The following NCKAP1 variants were observed in gnomAD, a reference collection of about 807,000 sequenced individuals.
The protein encoded by NCKAP1 is nck-associated protein 1.
Under a neutral mutation model 151.2 loss-of-function variants are expected in NCKAP1, and 21 were observed. That is an observed-to-expected ratio of 0.14 (90% CI 0.10 to 0.20). The LOEUF (loss-of-function observed/expected upper bound fraction) is 0.20, where lower values mean the gene tolerates loss of function less well. NCKAP1 is among the 10% of genes least tolerant of loss of function. The pLI, the probability that NCKAP1 is intolerant of heterozygous loss-of-function variation, is 1.00. For missense variants in NCKAP1, 933 were observed against 1,352.1 expected, an observed-to-expected ratio of 0.69 and a Z score of 4.86; for synonymous variants, 484 against 451.8, an observed-to-expected ratio of 1.07 and a Z score of -0.90.
intron 30 of NCKAP1, among the ~76,000 whole-genome samples, chr2:182,926,354 A>C (rs961702552): frequency 6.6e-6 from 1 of 152,082 alleles, no homozygotes; most frequent in Non-Finnish European, 1.5e-5. Context: ...TCTGCAGGTA[A>C]GGAAAATAAC....
At chr2:182,956,218 T>G (rs540691010) in intron 20 of NCKAP1, among the ~76,000 whole-genome samples, 2 of 152,214 alleles carry the variant, frequency 1.3e-5, no homozygotes, top group South Asian at 4.2e-4. Flanking sequence ...TTTTTTGTAT[T>G]TTTAGTAGAG....
At chr2:183,026,333 G>C (rs1698896502) in intron 1 of NCKAP1, among the ~76,000 whole-genome samples, 1 of 151,988 alleles carries the variant, frequency 6.6e-6, no homozygotes, top group Admixed American at 6.6e-5. Context: ...AAAATTATAA[G>C]GGTGTGGTGG....
At chr2:183,019,888 A>C (rs1698763130) in intron 2 of NCKAP1, among the ~76,000 whole-genome samples, 1 of 152,170 alleles carries the variant, frequency 6.6e-6, no homozygotes, top group Non-Finnish European at 1.5e-5. Context: ...AACTGGTCAC[A>C]AACAAGAAAG....
At chr2:183,028,910 A>C (rs1698951129) in intron 1 of NCKAP1, among the ~76,000 whole-genome samples, 1 of 151,544 alleles carries the variant, frequency 6.6e-6, no homozygotes, top group Non-Finnish European at 1.5e-5. Flanking sequence ...TCAGGAGTTC[A>C]AGACCAGCCT....
intron 18 of NCKAP1, among the ~76,000 whole-genome samples, chr2:182,960,392 C>T (rs1697421389): frequency 1.3e-5 from 2 of 152,230 alleles, no homozygotes; most frequent in African/African-American, 2.4e-5. Context: ...AGATATAGAC[C>T]AATGGAACAG....
chr2:182,930,581 T>TA (rs1696742765), intron 27 of NCKAP1, 114 bp downstream of exon 27: 1 of 778,808 alleles, frequency 1.3e-6, no homozygotes, highest in Non-Finnish European at 2.1e-6. Context: ...ATAACAAATT[T>TA]AAAAAGCTGA....
chr2:183,023,172 A>C (rs1355808186), intron 2 of NCKAP1, among the ~76,000 whole-genome samples: 4 of 152,162 alleles, frequency 2.6e-5, no homozygotes, highest in Non-Finnish European at 5.9e-5. Flanking sequence ...TGAGGCAAAA[A>C]ATAACTCTAA....
intron 15 of NCKAP1, among the ~76,000 whole-genome samples, chr2:182,973,171 T>G (rs1697734268): frequency 6.6e-6 from 1 of 152,188 alleles, no homozygotes; most frequent in South Asian, 2.1e-4. Context: ...ACAACTATTA[T>G]GTATTCATAA....
At chr2:182,948,461 C>T (rs917241391) in intron 23 of NCKAP1, among the ~76,000 whole-genome samples, 4 of 152,040 alleles carry the variant, frequency 2.6e-5, no homozygotes, top group African/African-American at 9.7e-5. Context: ...ACAGCCACTC[C>T]AAAATATAAG....
intron 18 of NCKAP1, among the ~76,000 whole-genome samples, chr2:182,960,354 A>G (rs1697420261): frequency 6.6e-6 from 1 of 152,372 alleles, no homozygotes; most frequent in East Asian, 1.9e-4. Flanking sequence ...ACAGTAACCA[A>G]AACAGCATGG....
chr2:182,990,147 ATATT>A (rs749645396), intron 8 of NCKAP1, among the ~76,000 whole-genome samples: 25 of 152,046 alleles, frequency 1.6e-4, no homozygotes, highest in Admixed American at 4.6e-4. Flanking sequence ...CTTCTCATAT[ATATT>A]ATTTCAAATG....
In NCKAP1 at chr2:182,952,519, T is replaced by C; in HGVS notation, c.2504-17A>G. 6.5e-7 allele frequency: 1 copy of C among 1,527,518 alleles called. No individual in the cohort carries two copies. Among genetic ancestry groups the C allele is most frequent in the Non-Finnish European group, 9.0e-7 (1 of 1,114,082 alleles). 94.6% of individuals were successfully genotyped at this position (1,527,518 alleles called of 1,614,324 possible). ...ACCTCATTTCTGAAAGAAAACATAC[T>C]TAATTTTATACTTCCGACAGAGCAA... On this transcript the variant is annotated splice_polypyrimidine_tract_variant and intron_variant, in intron 22 of 30. Coordinates refer to ENST00000361354, the MANE Select transcript of NCKAP1 (RefSeq NM_013436.5).
chr2:183,036,050 T>C (rs747583674), intron 1 of NCKAP1, among the ~76,000 whole-genome samples: 1 of 152,236 alleles, frequency 6.6e-6, no homozygotes, highest in East Asian at 1.9e-4. Flanking sequence ...ATGGATATAA[T>C]AATGATCACA....
chr2:182,978,022 T>C (rs188025921), intron 14 of NCKAP1, among the ~76,000 whole-genome samples: 222 of 152,258 alleles, frequency 1.5e-3, no homozygotes, highest in African/African-American at 5.1e-3. Context: ...TACATGTCAA[T>C]TTACAGGAGT....
chr2:182,967,967 T>C (rs533442567), intron 15 of NCKAP1, among the ~76,000 whole-genome samples: 6 of 152,220 alleles, frequency 3.9e-5, no homozygotes, highest in Admixed American at 1.3e-4. Context: ...ATCATGTCCA[T>C]GGATAGGGCA....
Position 182,952,786 on chromosome 2 carries a change from T to G in NCKAP1, c.2503+7A>C, listed in dbSNP as rs1697240503. 8.8e-6 allele frequency: 14 copies of G among 1,598,130 alleles called. No individual in the cohort carries two copies. The highest frequency in any genetic ancestry group is 2.2e-5 in the East Asian group (1 of 44,708). ...CATTCTCTAAACTGTGGTATAGTAC[T>G]ATTCACCTGATATGTCAGAATATTC... is the stretch of plus-strand genomic sequence containing the variant. On this transcript the variant is annotated splice_region_variant and intron_variant, in intron 22 of 30. Coordinates refer to ENST00000361354, the MANE Select transcript of NCKAP1 (RefSeq NM_013436.5).
At chr2:182,943,196 T>C (rs185501348) in intron 23 of NCKAP1, among the ~76,000 whole-genome samples, 55 of 152,298 alleles carry the variant, frequency 3.6e-4, no homozygotes, top group African/African-American at 1.1e-3. Context: ...TTCTTGGTTA[T>C]TTCAATTCAG....
chr2:182,983,206 T>C, intron 11 of NCKAP1, 80 bp downstream of exon 11: 2 of 1,175,466 alleles, frequency 1.7e-6, no homozygotes, highest in Non-Finnish European at 2.4e-6. Flanking sequence ...CTGACTCAAA[T>C]TTCAGTAAAA....
chr2:182,942,236 A>T, intron 23 of NCKAP1, 73 bp from the exon 24 acceptor site: 1 of 1,139,590 alleles, frequency 8.8e-7, no homozygotes, highest in South Asian at 1.5e-5. Flanking sequence ...ATGCTTGGAA[A>T]TTACAATCTG....
Sources: gnomAD v4.1 joint callset for allele counts (sites outside exome capture counted in the v4.1 genomes callset) on GRCh38, gnomAD v4.1.1 for gene constraint, MANE v1.5 for transcripts, NCBI Gene and HGNC (gene_info 2026-07-23, HGNC 2026-07-21) for gene names.